The following NFIB variants were observed in gnomAD, a reference collection of about 807,000 sequenced individuals.
NFIB encodes the protein nuclear factor 1 B-type.
NFIB carries 11 observed loss-of-function variants against 61.5 expected under a neutral mutation model. The ratio of observed to expected loss-of-function variants is 0.18; its 90% CI spans 0.11 to 0.30. The LOEUF (loss-of-function observed/expected upper bound fraction) is 0.30. Among genes scored for constraint, NFIB ranks in the 10% least tolerant of loss-of-function variants. The probability of loss-of-function intolerance (pLI) is 1.00; values close to 1 mark genes in which losing one functional copy is unlikely to be tolerated. For synonymous variants in NFIB, 260 were observed against 216.5 expected (o/e 1.20, Z -1.76); for missense variants, 471 against 608.9 (o/e 0.77, Z 2.38).
chr9:14,329,574 G>A (rs1453249532), intron 1 of NFIB, among the ~76,000 whole-genome samples: 10 of 151,868 alleles, frequency 6.6e-5, no homozygotes, highest in Admixed American at 5.9e-4. Flanking sequence ...GAGTGCAGTG[G>A]CGCAACCTCG....
At chr9:14,495,218 G>A in the NFIB span, among the ~76,000 whole-genome samples, 3 of 152,046 alleles carry the variant, frequency 2.0e-5, no homozygotes, top group Admixed American at 6.5e-5. Flanking sequence ...ACCCTCACAC[G>A]TAGACCTCAT....
At chr9:14,139,139 G>T (rs547900093) in intron 6 of NFIB, among the ~76,000 whole-genome samples, 1 of 152,122 alleles carries the variant, frequency 6.6e-6, no homozygotes, top group Non-Finnish European at 1.5e-5. Flanking sequence ...GCAGGCTGCA[G>T]GATAACAGAA....
the NFIB span, among the ~76,000 whole-genome samples, chr9:14,512,561 T>A: frequency 6.6e-6 from 1 of 152,188 alleles, no homozygotes; most frequent in Non-Finnish European, 1.5e-5. Flanking sequence ...ATAATAGAAG[T>A]CTTAACATTA....
intron 1 of NFIB, among the ~76,000 whole-genome samples, chr9:14,352,141 A>C (rs1052251231): frequency 6.6e-6 from 1 of 152,218 alleles, no homozygotes; most frequent in Non-Finnish European, 1.5e-5. Context: ...AAATTTTAAA[A>C]ATAAAATCAT....
chr9:14,388,113 C>G (rs755908724), intron 1 of NFIB, among the ~76,000 whole-genome samples: 1 of 151,998 alleles, frequency 6.6e-6, no homozygotes, highest in Non-Finnish European at 1.5e-5. Flanking sequence ...ACTTAGATGC[C>G]CATCAGTAAG....
chr9:14,123,018 G>A (rs10118048), intron 7 of NFIB, among the ~76,000 whole-genome samples: 3,630 of 152,158 alleles, frequency 0.024, 101 homozygotes, highest in South Asian at 0.074. Flanking sequence ...GGAGGTCAGG[G>A]TGGGTGGAGT....
chr9:14,381,183 G>A (rs2061484922), intron 1 of NFIB, among the ~76,000 whole-genome samples: 1 of 150,460 alleles, frequency 6.6e-6, no homozygotes, highest in Admixed American at 6.6e-5. Context: ...ATTTTCTTGT[G>A]TTTCTTTCTT....
At chr9:14,159,429 T>A (rs1775205675) in intron 3 of NFIB, among the ~76,000 whole-genome samples, 1 of 152,086 alleles carries the variant, frequency 6.6e-6, no homozygotes. Flanking sequence ...TGGAGCCCAG[T>A]GAGACTTTAG....
chr9:14,117,234 G>C (rs1045655105), intron 8 of NFIB, among the ~76,000 whole-genome samples: 1 of 152,140 alleles, frequency 6.6e-6, no homozygotes, highest in African/African-American at 2.4e-5. Context: ...AATTAACTGA[G>C]AAAATCCCCT....
chr9:14,262,376 C>G (rs2056837199), intron 2 of NFIB, among the ~76,000 whole-genome samples: 1 of 152,182 alleles, frequency 6.6e-6, no homozygotes, highest in Admixed American at 6.5e-5. Context: ...CTTTCTCCTT[C>G]TGCAAGTCAA....
intron 6 of NFIB, among the ~76,000 whole-genome samples, chr9:14,126,293 A>G (rs1280411589): frequency 6.6e-6 from 1 of 152,206 alleles, no homozygotes; most frequent in Non-Finnish European, 1.5e-5. Context: ...TGTACTGGCC[A>G]GGTAAAATGA....
At chr9:14,445,719 G>T in the NFIB span, among the ~76,000 whole-genome samples, 6 of 152,142 alleles carry the variant, frequency 3.9e-5, no homozygotes, top group East Asian at 5.8e-4. Flanking sequence ...TTGCTGGTTT[G>T]GTTTTATGAA....
At chr9:14,212,653 G>A (rs2050437292) in intron 2 of NFIB, among the ~76,000 whole-genome samples, 2 of 147,564 alleles carry the variant, frequency 1.4e-5, no homozygotes, top group African/African-American at 5.3e-5. Context: ...AAAAAAACAT[G>A]TTTAAAACTC....
chr9:14,457,406 A>G, the NFIB span, among the ~76,000 whole-genome samples: 6 of 152,200 alleles, frequency 3.9e-5, no homozygotes, highest in Admixed American at 1.3e-4. Flanking sequence ...CATAAGAGAA[A>G]GCAGGAAAGA....
the NFIB span, among the ~76,000 whole-genome samples, chr9:14,471,263 G>A: frequency 1.3e-5 from 2 of 152,204 alleles, no homozygotes; most frequent in Non-Finnish European, 2.9e-5. Flanking sequence ...TACGCATGTA[G>A]GACATGAAGT....
At chr9:14,103,935 T>C (rs1410043311) in intron 10 of NFIB, among the ~76,000 whole-genome samples, 1 of 152,092 alleles carries the variant, frequency 6.6e-6, no homozygotes, top group Non-Finnish European at 1.5e-5. Flanking sequence ...TTTTTTTTTT[T>C]TTGAGACAGT....
chr9:14,484,968 G>A, the NFIB span, among the ~76,000 whole-genome samples: 1 of 152,204 alleles, frequency 6.6e-6, no homozygotes, highest in Non-Finnish European at 1.5e-5. Context: ...CTCACAGACA[G>A]CCACCTTCTT....
At chr9:14,141,273 T>C (rs1011130712) in intron 6 of NFIB, among the ~76,000 whole-genome samples, 1 of 152,188 alleles carries the variant, frequency 6.6e-6, no homozygotes, top group African/African-American at 2.4e-5. Flanking sequence ...TGGAGACTTG[T>C]ATAAAAATTA....
chr9:14,327,636 A>G (rs1312569434), intron 1 of NFIB, among the ~76,000 whole-genome samples: 2 of 152,156 alleles, frequency 1.3e-5, no homozygotes, highest in Non-Finnish European at 2.9e-5. Flanking sequence ...TAGCCTTCCC[A>G]TGGGGTGTTT....
Sources: allele counts gnomAD v4.1 joint callset (sites outside exome capture counted in the v4.1 genomes callset), GRCh38; gene constraint gnomAD v4.1.1; transcripts MANE v1.5; gene names NCBI Gene and HGNC (gene_info 2026-07-23, HGNC 2026-07-21).